SPOCK1: variants seen among roughly 807,000 people sequenced by gnomAD.
SPOCK1 encodes the protein SPARC (osteonectin), cwcv and kazal like domains proteoglycan 1.
SPOCK1 carries 23 observed loss-of-function variants against 55.3 expected under a neutral mutation model. The ratio of observed to expected loss-of-function variants is 0.42; its 90% CI spans 0.30 to 0.59. The LOEUF (loss-of-function observed/expected upper bound fraction) is 0.59. SPOCK1 is among the 20% of genes least tolerant of loss of function. The pLI, the probability that SPOCK1 is intolerant of heterozygous loss-of-function variation, is 0.22. For synonymous variants in SPOCK1, 226 were observed against 221.0 expected (o/e 1.02, Z -0.20); for missense variants, 499 against 552.5 (o/e 0.90, Z 0.97).
chr5:137,176,916 G>A (rs1561637154), intron 3 of SPOCK1, among the ~76,000 whole-genome samples: 2 of 152,102 alleles, frequency 1.3e-5, no homozygotes, highest in Non-Finnish European at 2.9e-5. Context: ...CAGGCAGAAG[G>A]GCAGTGACTA....
intron 2 of SPOCK1, among the ~76,000 whole-genome samples, chr5:137,428,384 A>G (rs557254555): frequency 6.6e-6 from 1 of 152,232 alleles, no homozygotes; most frequent in Admixed American, 6.5e-5. Context: ...TTCAGAGGCA[A>G]TCACAGCCAA....
At chr5:137,011,967 C>G (rs1476218135) in intron 6 of SPOCK1, among the ~76,000 whole-genome samples, 1 of 152,232 alleles carries the variant, frequency 6.6e-6, no homozygotes, top group Non-Finnish European at 1.5e-5. Flanking sequence ...AACACCTACT[C>G]TTGCCAATAC....
chr5:137,044,126 G>C (rs753722106), intron 6 of SPOCK1, among the ~76,000 whole-genome samples: 9 of 152,172 alleles, frequency 5.9e-5, no homozygotes, highest in African/African-American at 9.7e-5. Context: ...TTGCTGAACA[G>C]AAGGGGAACA....
intron 5 of SPOCK1, among the ~76,000 whole-genome samples, chr5:137,083,217 C>G (rs1161606558): frequency 6.6e-6 from 1 of 152,132 alleles, no homozygotes; most frequent in Non-Finnish European, 1.5e-5. Flanking sequence ...CAATTATCTC[C>G]TTTCCTTCAC....
chr5:137,132,312 G>A (rs1453829293), intron 4 of SPOCK1, among the ~76,000 whole-genome samples: 1 of 151,854 alleles, frequency 6.6e-6, no homozygotes, highest in African/African-American at 2.4e-5. Context: ...ATGTGCTCTA[G>A]CAATTCACAC....
At chr5:137,032,559 T>G (rs910728060) in intron 6 of SPOCK1, among the ~76,000 whole-genome samples, 2 of 151,900 alleles carry the variant, frequency 1.3e-5, no homozygotes, top group African/African-American at 2.4e-5. Context: ...GTAGCGTAAG[T>G]GAATAGAAGT....
chr5:137,117,675 A>G (rs939785217), intron 4 of SPOCK1, among the ~76,000 whole-genome samples: 3 of 152,320 alleles, frequency 2.0e-5, no homozygotes, highest in Non-Finnish European at 4.4e-5. Context: ...AGCAACAAGA[A>G]TTCAACAGGC....
chr5:137,192,440 G>A (rs538223513), intron 3 of SPOCK1, among the ~76,000 whole-genome samples: 7 of 152,120 alleles, frequency 4.6e-5, no homozygotes, highest in African/African-American at 1.7e-4. Context: ...CCAAATCCCA[G>A]CCACTGCTAG....
intron 3 of SPOCK1, among the ~76,000 whole-genome samples, chr5:137,150,488 A>T (rs1754298031): frequency 6.6e-6 from 1 of 152,158 alleles, no homozygotes; most frequent in Non-Finnish European, 1.5e-5. Context: ...ACTATTGAAG[A>T]GTCACAGAGC....
At chr5:137,263,540 A>G (rs1756792511) in intron 3 of SPOCK1, among the ~76,000 whole-genome samples, 1 of 152,200 alleles carries the variant, frequency 6.6e-6, no homozygotes. Flanking sequence ...TCTCCTGACT[A>G]TGCAAGATAA....
chr5:137,107,975 T>C (rs1420647295), intron 5 of SPOCK1, among the ~76,000 whole-genome samples: 2 of 152,104 alleles, frequency 1.3e-5, no homozygotes, highest in African/African-American at 4.8e-5. Context: ...GATTTTGACT[T>C]AATGACATTG....
At chr5:137,140,035 G>C (rs1001067094) in intron 4 of SPOCK1, among the ~76,000 whole-genome samples, 1 of 152,158 alleles carries the variant, frequency 6.6e-6, no homozygotes, top group Non-Finnish European at 1.5e-5. Flanking sequence ...GGATATCAGG[G>C]GCTGTACCCT....
intron 3 of SPOCK1, among the ~76,000 whole-genome samples, chr5:137,194,695 C>A (rs184347769): frequency 9.9e-5 from 15 of 152,226 alleles, no homozygotes; most frequent in East Asian, 1.9e-4. Context: ...CCAGGCCCCA[C>A]CTGATTTCCT....
intron 2 of SPOCK1, among the ~76,000 whole-genome samples, chr5:137,406,525 G>T (rs1164681392): frequency 1.3e-5 from 2 of 152,208 alleles, no homozygotes; most frequent in Admixed American, 1.3e-4. Flanking sequence ...ACCATCAGCA[G>T]AAAGCCCATT....
In SPOCK1 at chr5:137,498,445, G is replaced by A. The variant is rs1318910904; in HGVS notation, c.114C>T (p.Phe38=). 8.1e-6 allele frequency: 13 copies of A among 1,611,150 alleles called. No homozygotes were observed. Among genetic ancestry groups the A allele is most frequent in the Non-Finnish European group, 1.1e-5 (13 of 1,179,080 alleles). Residue 38 remains phenylalanine (F), a synonymous_variant, in exon 2 of 11, where the codon TTC becomes TTT. Transcript: ENST00000394945. The stretch of plus-strand genomic sequence containing the variant: ...TGCTCAGCCACTGGTCATTGTCTAG[G>A]AAATTGCCGTGGTTGGGGCCCGCGC... The part of the protein sequence containing the change: ...AGGAGPNHGN[F]LDNDQWLSTV...
At chr5:137,294,383 A>G (rs920123662) in intron 2 of SPOCK1, among the ~76,000 whole-genome samples, 21 of 152,198 alleles carry the variant, frequency 1.4e-4, no homozygotes, top group African/African-American at 5.1e-4. Context: ...TACGTTTTAT[A>G]GGTGAAGAGA....
chr5:137,465,442 A>G (rs1206803636), intron 2 of SPOCK1, among the ~76,000 whole-genome samples: 1 of 152,106 alleles, frequency 6.6e-6, no homozygotes, highest in East Asian at 1.9e-4. Context: ...ACTAATATAT[A>G]AGCTTATAAT....
At chr5:136,984,988 G>T in intron 9 of SPOCK1, 152 bp downstream of exon 9, 1 of 778,030 alleles carries the variant, frequency 1.3e-6, no homozygotes. Flanking sequence ...TTTATGTCCA[G>T]CTGCCTGGAA....
intron 2 of SPOCK1, among the ~76,000 whole-genome samples, chr5:137,365,761 GAGCTCAGA>G (rs1194615861): frequency 3.3e-5 from 5 of 152,202 alleles, no homozygotes; most frequent in Admixed American, 2.0e-4. Context: ...AATCTCTTCA[GAGCTCAGA>G]AGGTTTTCTA....
Sources: gnomAD v4.1 joint callset for allele counts (sites outside exome capture counted in the v4.1 genomes callset) on GRCh38, gnomAD v4.1.1 for gene constraint, MANE v1.5 for transcripts, NCBI Gene and HGNC (gene_info 2026-07-23, HGNC 2026-07-21) for gene names.